The following SEPTIN9 variants were observed in gnomAD, a reference collection of about 807,000 sequenced individuals.
The protein encoded by SEPTIN9 is septin-9.
SEPTIN9 carries 13 observed loss-of-function variants against 56.6 expected under a neutral mutation model. The observed-to-expected ratio is 0.23, with a 90% CI of 0.15 to 0.37. The LOEUF (loss-of-function observed/expected upper bound fraction) is 0.37. Among genes scored for constraint, SEPTIN9 ranks in the 10% least tolerant of loss-of-function variants. The probability of loss-of-function intolerance (pLI) is 1.00; values close to 1 mark genes in which losing one functional copy is unlikely to be tolerated. For missense variants in SEPTIN9, 650 were observed against 823.1 expected (o/e 0.79, Z 2.57); for synonymous variants, 332 against 334.1 (o/e 0.99, Z 0.07).
At chr17:77,292,988 GCATTTATTTATT>G (rs1343868744) in intron 1 of SEPTIN9, among the ~76,000 whole-genome samples, 16 of 147,712 alleles carry the variant, frequency 1.1e-4, no homozygotes, top group South Asian at 2.1e-4. Context: ...AACCGCTTGA[GCATTTATTTATT>G]TATTTATTTA....
At chr17:77,360,345 C>G (rs992255191) in intron 2 of SEPTIN9, among the ~76,000 whole-genome samples, 1 of 152,144 alleles carries the variant, frequency 6.6e-6, no homozygotes, top group Non-Finnish European at 1.5e-5. Flanking sequence ...TCTAGACATA[C>G]CCCCCTTCCC....
chr17:77,359,433 G>C (rs1479269679), intron 2 of SEPTIN9, among the ~76,000 whole-genome samples: 1 of 152,236 alleles, frequency 6.6e-6, no homozygotes, highest in Non-Finnish European at 1.5e-5. Context: ...CCAATCAGGA[G>C]CCACAAATGC....
chr17:77,454,374 G>A, intron 3 of SEPTIN9: 1 of 985,546 alleles, frequency 1.0e-6, no homozygotes, highest in Non-Finnish European at 1.2e-6. Flanking sequence ...GTAGGGACCT[G>A]TTCCCGGAGC....
In SEPTIN9 at chr17:77,310,648, C is replaced by T. The variant is rs1223483336; in HGVS notation, c.76+3451C>T. On this transcript the variant is annotated intron_variant, in intron 2 of 11. Coordinates refer to ENST00000427177, the MANE Select transcript of SEPTIN9 (RefSeq NM_001113491.2). This position sits in a 1 kb window ranked among gnomAD's most constrained non-coding sequence, Gnocchi z 4.7. ...TCTCAGCCCTTCTAGATGTTACCAC[C>T]ACGCCCTCCCGAGTGGCCTTCTGGT... 6.6e-6 allele frequency among the ~76,000 whole-genome samples: 1 copy of T among 152,144 alleles called. No homozygotes were observed. Among genetic ancestry groups the T allele is most frequent in the African/African-American group, 2.4e-5 (1 of 41,432 alleles).
chr17:77,492,755 C>G lies in SEPTIN9; in HGVS notation c.1476+39C>G. On this transcript the variant is annotated intron_variant, in intron 9 of 11. Transcript: ENST00000427177. The surrounding 1 kb of genome is among the most constrained non-coding windows in gnomAD (Gnocchi z 5.4). Reference sequence around the variant, plus strand: ...CTAGGATGTTGTTCCCAGGGGACCCCCAGTTCCTGCTGAAGGGTGGGTTGG... The same window carrying G: ...CTAGGATGTTGTTCCCAGGGGACCCGCAGTTCCTGCTGAAGGGTGGGTTGG... 3 of 1,566,896 alleles carry G rather than the reference C, an allele frequency of 1.9e-6. No homozygotes were observed. The highest frequency in any genetic ancestry group is 2.6e-6 in the Non-Finnish European group (3 of 1,137,166).
intron 2 of SEPTIN9, chr17:77,373,243 C>G: frequency 2.0e-5 from 23 of 1,130,624 alleles, no homozygotes; most frequent in Non-Finnish European, 2.5e-5. Context: ...GACAGGGAGG[C>G]CGGTGCGGGT....
Position 77,402,619 on chromosome 17 carries a change from C to A in SEPTIN9, c.637C>A (p.Pro213Thr). Reference sequence around the variant, plus strand: ...AGCCCAGACCTTGGAGAATTCAGAGCCTGCCCCTGTGTCTCAGCTGCAGAG... The same window carrying A: ...AGCCCAGACCTTGGAGAATTCAGAGACTGCCCCTGTGTCTCAGCTGCAGAG... ...SPAQTLENSE[P>T]APVSQLQSRL... Residue 213 changes from proline (P) to threonine (T), a missense_variant, in exon 3 of 12, where the codon CCT becomes ACT. This residue lies in a region of SEPTIN9 where 317 missense variants were observed against 329.1 expected (regional missense o/e 0.96). Transcript: ENST00000427177. The surrounding 1 kb of genome is among the most constrained non-coding windows in gnomAD (Gnocchi z 6.6). The A allele has an allele frequency of 6.2e-7, 1 of 1,613,016 alleles. No individual in the cohort carries two copies. Among genetic ancestry groups the A allele is most frequent in the South Asian group, 1.1e-5 (1 of 90,958 alleles).
chr17:77,478,988 A>G (rs748437207), intron 3 of SEPTIN9, among the ~76,000 whole-genome samples: 11 of 152,208 alleles, frequency 7.2e-5, no homozygotes, highest in Admixed American at 1.3e-4. Flanking sequence ...TCAGATTCAG[A>G]AAAACAGCAG....
At position 77,476,377 on chromosome 17, in the gene SEPTIN9, A is replaced by G. The variant is rs1014175487; in HGVS notation, c.722-5767A>G. On this transcript the variant is annotated intron_variant, in intron 3 of 11. Transcript: ENST00000427177. This position sits in a 1 kb window ranked among gnomAD's most constrained non-coding sequence, Gnocchi z 6.0. Reference sequence around the variant, plus strand: ...ACTGCCTCCCAGCCAGATATCCTACAGCCCCCGTCCCAGCCACAGACAGCA... The same window carrying G: ...ACTGCCTCCCAGCCAGATATCCTACGGCCCCCGTCCCAGCCACAGACAGCA... Among the ~76,000 whole-genome samples the G allele has an allele frequency of 1.3e-5, 2 of 152,134 alleles. No individual in the cohort carries two copies. Among genetic ancestry groups the G allele is most frequent in the African/African-American group, 4.8e-5 (2 of 41,416 alleles).
intron 3 of SEPTIN9, among the ~76,000 whole-genome samples, chr17:77,463,139 C>A (rs11652664): frequency 6.6e-6 from 1 of 152,112 alleles, no homozygotes; most frequent in Non-Finnish European, 1.5e-5. Flanking sequence ...GCACCTCTTA[C>A]GTGAGGGGCT....
In SEPTIN9 at chr17:77,465,029, T is replaced by C. The variant is rs1306332579; in HGVS notation, c.722-17115T>C. ...CGGGCTCTCAGCCCCTAGCCACCGCTCATCTGCCTTCGTCTCTATGAATTC... is the reference window on the plus strand; with the variant it reads ...CGGGCTCTCAGCCCCTAGCCACCGCCCATCTGCCTTCGTCTCTATGAATTC... On this transcript the variant is annotated intron_variant, in intron 3 of 11. Coordinates refer to ENST00000427177, the MANE Select transcript of SEPTIN9 (RefSeq NM_001113491.2). Among the ~76,000 whole-genome samples the C allele has an allele frequency of 2.6e-5, 4 of 152,204 alleles. No individual in the cohort carries two copies. The East Asian group carries it at 7.7e-4, about 29-fold the overall frequency.
intron 3 of SEPTIN9, among the ~76,000 whole-genome samples, chr17:77,464,490 G>C (rs1283592524): frequency 1.3e-5 from 2 of 152,088 alleles, no homozygotes; most frequent in Non-Finnish European, 2.9e-5. Context: ...CTTTCTAAAA[G>C]GTAAAAGGGT....
At position 77,492,697 on chromosome 17, in the gene SEPTIN9, T is replaced by G. The variant is rs1288914933; in HGVS notation, c.1457T>G (p.Leu486Arg). The G allele has an allele frequency of 1.2e-6, 2 of 1,613,956 alleles. No individual in the cohort carries two copies. The highest frequency in any genetic ancestry group is 8.5e-7 in the Non-Finnish European group (1 of 1,180,006). ...TTTGATGAGGACTCGGAGGACCGGC[T>G]GGTGAACGAGAAGTTCCGGGTGAGT... ...KEFDEDSEDR[L>R]VNEKFREMIP... is the part of the protein sequence containing the mutation. The change falls in exon 9 of 12, where the codon CTG becomes CGG. Residue 486 changes from leucine to arginine, a missense_variant. Transcript: ENST00000427177. The surrounding 1 kb of genome is among the most constrained non-coding windows in gnomAD (Gnocchi z 5.4).
intron 2 of SEPTIN9, among the ~76,000 whole-genome samples, chr17:77,384,685 T>C (rs1388567126): frequency 1.3e-5 from 2 of 151,496 alleles, no homozygotes; most frequent in African/African-American, 4.9e-5. Context: ...CAGAAATGAT[T>C]CTCCTGAACA....
At chr17:77,337,546 GT>G (rs2033595516) in intron 2 of SEPTIN9, among the ~76,000 whole-genome samples, 1 of 151,872 alleles carries the variant, frequency 6.6e-6, no homozygotes, top group Non-Finnish European at 1.5e-5. Context: ...CCTTCTCTTT[GT>G]TTTCTGTGTT....
chr17:77,485,048 G>A (rs2039681911), intron 4 of SEPTIN9, among the ~76,000 whole-genome samples: 3 of 61,520 alleles, frequency 4.9e-5, no homozygotes, highest in East Asian at 5.4e-4. Flanking sequence ...GGTGATGGTG[G>A]TGATTGTGGT....
intron 3 of SEPTIN9, among the ~76,000 whole-genome samples, chr17:77,457,554 T>TC (rs988492217): frequency 6.6e-6 from 1 of 152,102 alleles, no homozygotes; most frequent in Non-Finnish European, 1.5e-5. Context: ...GAGATTGGGG[T>TC]CCCAGTCCAA....
intron 2 of SEPTIN9, among the ~76,000 whole-genome samples, chr17:77,335,054 A>G (rs2033492826): frequency 1.3e-5 from 2 of 151,614 alleles, no homozygotes. Flanking sequence ...TGTTGACTGT[A>G]TATGTGGTCC....
chr17:77,441,738 C>T (rs1157905132), intron 3 of SEPTIN9, among the ~76,000 whole-genome samples: 5 of 152,202 alleles, frequency 3.3e-5, no homozygotes. Context: ...GGGCAGTGAA[C>T]ACCTGGTGCC....
Sources: gnomAD v4.1 joint callset for allele counts (sites outside exome capture counted in the v4.1 genomes callset) on GRCh38, gnomAD v4.1.1 for gene constraint, gnomAD v4.1.1 regional missense constraint, Gnocchi (gnomAD v3.1) non-coding constraint, MANE v1.5 for transcripts, NCBI Gene and HGNC (gene_info 2026-07-23, HGNC 2026-07-21) for gene names.